MAP3K19: variants seen among roughly 807,000 people sequenced by gnomAD.
The protein encoded by MAP3K19 is mitogen-activated protein kinase kinase kinase 19.
In MAP3K19, 91 loss-of-function variants were observed where a neutral mutation model predicts 114.4. The ratio of observed to expected loss-of-function variants is 0.80; its 90% CI spans 0.67 to 0.95. The LOEUF (loss-of-function observed/expected upper bound fraction) is 0.95. Ranked by LOEUF, MAP3K19 falls within the 40% of genes least tolerant of loss-of-function variation. MAP3K19 has a pLI of 0.00. For missense variants in MAP3K19, 1,471 were observed against 1,573.2 expected, an observed-to-expected ratio of 0.94 and a Z score of 1.10; for synonymous variants, 518 against 530.5, an observed-to-expected ratio of 0.98 and a Z score of 0.32.
At chr2:135,027,396 GAAAA>G (rs1003300321) in intron 3 of MAP3K19, among the ~76,000 whole-genome samples, 2 of 120,488 alleles carry the variant, frequency 1.7e-5, no homozygotes, top group African/African-American at 3.7e-5. Flanking sequence ...AAGAAAGAAA[GAAAA>G]GAAAGAAAGA....
At chr2:135,006,934 T>C (rs1480216863) in intron 5 of MAP3K19, among the ~76,000 whole-genome samples, 10 of 151,784 alleles carry the variant, frequency 6.6e-5, no homozygotes, top group Non-Finnish European at 1.5e-5. Flanking sequence ...TCCTAGCACT[T>C]TGGGAGGCCG....
At chr2:135,042,000 C>T (rs767606491) in intron 1 of MAP3K19, among the ~76,000 whole-genome samples, 2 of 152,162 alleles carry the variant, frequency 1.3e-5, no homozygotes, top group African/African-American at 2.4e-5. Flanking sequence ...AGAAATAGTA[C>T]TAGCCCATGA....
chr2:135,009,692 A>G (rs1210394896), intron 5 of MAP3K19, among the ~76,000 whole-genome samples: 1 of 152,114 alleles, frequency 6.6e-6, no homozygotes, highest in African/African-American at 2.4e-5. Context: ...TACAAAATCC[A>G]TAATGATGAC....
Position 134,972,262 on chromosome 2 carries a change from C to T in MAP3K19, c.3921-7346G>A, listed in dbSNP as rs182415032. On this transcript the variant is annotated intron_variant, in intron 12 of 12. Coordinates refer to ENST00000392915, the MANE Select transcript of MAP3K19 (RefSeq NM_025052.5). Reference sequence around the variant, plus strand: ...TACTCCTATCCTCCTACTATCATTCCCAGCCTCTGGTAACCATCCTTCTAC... The same window carrying T: ...TACTCCTATCCTCCTACTATCATTCTCAGCCTCTGGTAACCATCCTTCTAC... 5.3e-3 allele frequency among the ~76,000 whole-genome samples: 809 copies of T among 152,088 alleles called. 4 individuals carry two copies. Among genetic ancestry groups the T allele is most frequent in the African/African-American group, 0.016 (673 of 41,496 alleles).
At chr2:134,965,200 G>A (rs765805647) in intron 12 of MAP3K19, among the ~76,000 whole-genome samples, 1 of 152,156 alleles carries the variant, frequency 6.6e-6, no homozygotes, top group Non-Finnish European at 1.5e-5. Context: ...TTGAAAAGTG[G>A]TAGCTATTGT....
chr2:134,991,570 G>C lies in MAP3K19; in HGVS notation c.585C>G (p.Thr195=). Residue 195 remains threonine (T), a synonymous_variant, in exon 9 of 13, where the codon ACC becomes ACG. Transcript: ENST00000392915. ...EQQRKSEEFS[T]SHMKYSGRSI... ...TTCGGCCACTGTACTTCATATGAGAGGTCGAAAACTCTACAACAAGAAAAA... is the reference window on the plus strand; with the variant it reads ...TTCGGCCACTGTACTTCATATGAGACGTCGAAAACTCTACAACAAGAAAAA... The C allele has an allele frequency of 6.2e-7, 1 of 1,613,318 alleles. No individual in the cohort carries two copies. The highest frequency in any genetic ancestry group is 8.5e-7 in the Non-Finnish European group (1 of 1,179,374).
At chr2:134,965,982 T>C (rs980558256) in intron 12 of MAP3K19, among the ~76,000 whole-genome samples, 2 of 152,004 alleles carry the variant, frequency 1.3e-5, no homozygotes, top group African/African-American at 2.4e-5. Context: ...GAACGTGGTA[T>C]TTGTCTTGCT....
chr2:134,997,006 G>A (rs1004196264), intron 8 of MAP3K19, among the ~76,000 whole-genome samples: 1 of 151,990 alleles, frequency 6.6e-6, no homozygotes, highest in South Asian at 2.1e-4. Flanking sequence ...CCAAGATCAC[G>A]CCACTGCACT....
intron 12 of MAP3K19, among the ~76,000 whole-genome samples, chr2:134,973,621 A>G (rs1684020028): frequency 6.6e-6 from 1 of 151,592 alleles, no homozygotes; most frequent in Non-Finnish European, 1.5e-5. Context: ...TATTCCTGTC[A>G]TTTTGTTGAT....
intron 3 of MAP3K19, among the ~76,000 whole-genome samples, chr2:135,026,212 G>A (rs889466458): frequency 6.6e-6 from 1 of 152,072 alleles, no homozygotes; most frequent in Non-Finnish European, 1.5e-5. Flanking sequence ...TTATTTAAGG[G>A]TGCATAAAAA....
Position 135,000,038 on chromosome 2 carries a change from T to C in MAP3K19, c.236-23A>G, listed in dbSNP as rs199614559. ...CACCTGTAGAAACATACCACAGTAG[T>C]AGAAGGAAGAAAGTAATGAATTCCA... is the stretch of plus-strand genomic sequence containing the variant. On this transcript the variant is annotated intron_variant, in intron 6 of 12. Transcript: ENST00000392915. 6.0e-6 allele frequency: 9 copies of C among 1,490,492 alleles called. No individual in the cohort carries two copies. The East Asian group carries it at 1.8e-4, about 30-fold the overall frequency. The allele number at this position is 1,490,492 out of a possible 1,614,324, so 92.3% of individuals were successfully genotyped here.
intron 6 of MAP3K19, among the ~76,000 whole-genome samples, chr2:135,003,572 T>G (rs1325837322): frequency 5.1e-5 from 7 of 137,198 alleles, no homozygotes; most frequent in East Asian, 4.5e-4. Flanking sequence ...TTGTTTGTTT[T>G]GAGACGGAGC....
intron 10 of MAP3K19, 110 bp from the exon 11 acceptor site, chr2:134,983,935 C>T: frequency 2.8e-6 from 2 of 708,516 alleles, no homozygotes; most frequent in East Asian, 5.6e-5. Flanking sequence ...TGTGGCCACT[C>T]TTACAGGTAA....
At position 135,001,930 on chromosome 2, in the gene MAP3K19, G is replaced by A. The variant is rs539532174; in HGVS notation, c.236-1915C>T. On this transcript the variant is annotated intron_variant, in intron 6 of 12. Coordinates refer to ENST00000392915, the MANE Select transcript of MAP3K19 (RefSeq NM_025052.5). The stretch of plus-strand genomic sequence containing the variant: ...ATATTGTTAAGAGCTAATGGCCACC[G>A]TCCTAATTGTTGGTCCTAAATTGGA... Among the ~76,000 whole-genome samples, 11 of 152,316 alleles carry A rather than the reference G, an allele frequency of 7.2e-5. No individual in the cohort carries two copies. The South Asian group carries it at 2.1e-3, about 29-fold the overall frequency.
Position 134,986,124 on chromosome 2 carries a change from A to T in MAP3K19, c.2748T>A (p.Ser916=), listed in dbSNP as rs1685081969. ...FSFQAKQESA[S]SQTYQYWVHY... ...GTACCCAATATTGATATGTCTGGGAAGATGCACTTTCTTGTTTTGCTTGGA... is the reference window on the plus strand; with the variant it reads ...GTACCCAATATTGATATGTCTGGGATGATGCACTTTCTTGTTTTGCTTGGA... Residue 916 remains serine (S), a synonymous_variant, in exon 10 of 13, where the codon TCT becomes TCA. Coordinates refer to ENST00000392915, the MANE Select transcript of MAP3K19 (RefSeq NM_025052.5). The T allele has an allele frequency of 6.2e-7, 1 of 1,613,950 alleles. No individual in the cohort carries two copies. The highest frequency in any genetic ancestry group is 1.7e-5 in the Admixed American group (1 of 59,998).
At chr2:135,045,909 C>T (rs1014408170) in intron 1 of MAP3K19, among the ~76,000 whole-genome samples, 2 of 149,296 alleles carry the variant, frequency 1.3e-5, no homozygotes, top group African/African-American at 5.2e-5. Flanking sequence ...AGTTAACATG[C>T]ACAGACCATG....
Position 134,999,199 on chromosome 2 carries a change from G to A in MAP3K19, c.315-202C>T, listed in dbSNP as rs1184904601. On this transcript the variant is annotated intron_variant, in intron 7 of 12. Transcript: ENST00000392915. The surrounding 1 kb of genome is among the most constrained non-coding windows in gnomAD (Gnocchi z 4.1). ...GGCCTCCTTAGCCCTCTGTACCATC[G>A]CTTGGATGGATTAGGTTTCAGCTCA... is the stretch of plus-strand genomic sequence containing the variant. Among the ~76,000 whole-genome samples the A allele has an allele frequency of 1.3e-5, 2 of 152,080 alleles. No individual in the cohort carries two copies. The highest frequency in any genetic ancestry group is 2.9e-5 in the Non-Finnish European group (2 of 68,018).
intron 6 of MAP3K19, among the ~76,000 whole-genome samples, chr2:135,000,294 CAG>C (rs925958708): frequency 1.3e-5 from 2 of 152,164 alleles, no homozygotes; most frequent in African/African-American, 4.8e-5. Flanking sequence ...ATGGAGAAAA[CAG>C]AACCACCTTC....
At chr2:134,983,203 A>C in intron 11 of MAP3K19, 1 of 533,546 alleles carries the variant, frequency 1.9e-6, no homozygotes, top group Non-Finnish European at 3.8e-6. Context: ...CCACCCCCCA[A>C]GATCTCTTAT....
Sources: gnomAD v4.1 joint callset for allele counts (sites outside exome capture counted in the v4.1 genomes callset) on GRCh38, gnomAD v4.1.1 for gene constraint, Gnocchi (gnomAD v3.1) non-coding constraint, MANE v1.5 for transcripts, NCBI Gene and HGNC (gene_info 2026-07-23, HGNC 2026-07-21) for gene names.